Variants in SPATA6L observed in about 807,000 individuals in gnomAD.
SPATA6L encodes the protein spermatogenesis associated 6-like protein.
Under a neutral mutation model 49.2 loss-of-function variants are expected in SPATA6L, and 68 were observed. That is an observed-to-expected ratio of 1.38 (90% CI 1.14 to 1.69). SPATA6L has a LOEUF of 1.69. SPATA6L is among the 40% of genes most tolerant of loss of function. SPATA6L has a pLI of 0.00. For missense variants in SPATA6L, 668 were observed against 464.3 expected (o/e 1.44, Z -4.03); for synonymous variants, 198 against 165.7 (o/e 1.19, Z -1.50).
chr9:4,662,234 C>T lies in SPATA6L; in HGVS notation c.40-198G>A, dbSNP rs1388062409. 1 of 1,434,204 alleles carries T rather than the reference C, an allele frequency of 7.0e-7. No homozygotes were observed. The highest frequency in any genetic ancestry group is 2.5e-5 in the East Asian group (1 of 39,828). The allele number at this position is 1,434,204 out of a possible 1,614,324, so 88.8% of individuals were successfully genotyped here. ...TGGAAATTCCAACTCCCTCCCACGT[C>T]TCCACCAGGTGTCACAATCGCGCTC... is the stretch of plus-strand genomic sequence containing the variant. On this transcript the variant is annotated intron_variant, in intron 1 of 11. Transcript: ENST00000682582. This position sits in a 1 kb window ranked among gnomAD's most constrained non-coding sequence, Gnocchi z 4.9.
At chr9:4,652,179 C>CA (rs1238412350) in intron 3 of SPATA6L, among the ~76,000 whole-genome samples, 3 of 151,968 alleles carry the variant, frequency 2.0e-5, no homozygotes, top group African/African-American at 2.4e-5. Context: ...CCAGCACTTT[C>CA]GGAGGCCAAG....
intron 3 of SPATA6L, among the ~76,000 whole-genome samples, chr9:4,655,656 C>G (rs1442431931): frequency 2.0e-5 from 3 of 151,822 alleles, no homozygotes; most frequent in African/African-American, 7.3e-5. Context: ...TTAAGCGATT[C>G]TCCTGCCTCA....
intron 9 of SPATA6L, among the ~76,000 whole-genome samples, chr9:4,606,204 C>G (rs540846303): frequency 1.5e-3 from 229 of 150,286 alleles, no homozygotes; most frequent in Non-Finnish European, 2.0e-3. Context: ...AACTGCAAGG[C>G]GGCAGCGAGG....
intron 1 of SPATA6L, chr9:4,663,150 A>G (rs748309678): frequency 3.1e-6 from 5 of 1,613,800 alleles, no homozygotes; most frequent in Non-Finnish European, 4.2e-6. Context: ...GCACAATGTC[A>G]CCGACGTAGC....
intron 6 of SPATA6L, among the ~76,000 whole-genome samples, chr9:4,623,076 T>G (rs56659191): frequency 0.13 from 20,204 of 151,932 alleles, 2,917 homozygotes; most frequent in African/African-American, 0.36. Flanking sequence ...GGTCGGGAGT[T>G]CAAGACCAGC....
chr9:4,627,665 T>C (rs1830596651), intron 5 of SPATA6L: 1 of 1,126,402 alleles, frequency 8.9e-7, no homozygotes, highest in African/African-American at 1.6e-5. Flanking sequence ...CAGAAAGAAA[T>C]TGGGGTGAGG....
chr9:4,590,238 G>A (rs1323206940), intron 13 of SPATA6L, among the ~76,000 whole-genome samples: 1 of 152,052 alleles, frequency 6.6e-6, no homozygotes, highest in Admixed American at 6.6e-5. Context: ...ACAAAATATT[G>A]ACCTGTATAT....
downstream of SPATA6L, among the ~76,000 whole-genome samples, chr9:4,594,474 A>C (rs1586895919): frequency 6.6e-6 from 1 of 152,338 alleles, no homozygotes; most frequent in East Asian, 1.9e-4. Flanking sequence ...AGCCTCCCAA[A>C]GTGCTGGGAT....
intron 5 of SPATA6L, 34 bp from the exon 6 acceptor site, chr9:4,625,600 T>C (rs376310010): frequency 7.1e-7 from 1 of 1,410,536 alleles, no homozygotes; most frequent in Non-Finnish European, 9.4e-7. Flanking sequence ...TTTTTTAAAA[T>C]AAAGAAAGAA....
intron 3 of SPATA6L, among the ~76,000 whole-genome samples, chr9:4,637,850 G>C (rs1465528194): frequency 2.0e-5 from 3 of 152,166 alleles, no homozygotes; most frequent in Non-Finnish European, 2.9e-5. Flanking sequence ...ATAAGCATTA[G>C]CTACCCTCTT....
At position 4,589,950 on chromosome 9, in the gene SPATA6L, G is replaced by A. The variant is rs577494028; in HGVS notation, c.*255-989C>T. Among the ~76,000 whole-genome samples the A allele has an allele frequency of 5.3e-5, 8 of 152,298 alleles. No individual in the cohort carries two copies. In the East Asian group the frequency reaches 1.5e-3, roughly 29 times the overall value. ...ATATATTTATATATTTTGACACGGA[G>A]TCTCACTCTGTCACCGAGGCTGGAG... is the stretch of plus-strand genomic sequence containing the variant. On this transcript the variant is annotated intron_variant and NMD_transcript_variant, in intron 13 of 13. Transcript: ENST00000461761.
chr9:4,591,883 T>C (rs919907014), intron 13 of SPATA6L, among the ~76,000 whole-genome samples: 1 of 152,190 alleles, frequency 6.6e-6, no homozygotes, highest in Admixed American at 6.5e-5. Flanking sequence ...TCATTACCTT[T>C]CCTAGAGATG....
In SPATA6L at chr9:4,635,408, A is replaced by T. The variant is rs1832594085; in HGVS notation, c.227-9T>A. 6.4e-7 allele frequency: 1 copy of T among 1,572,264 alleles called. No homozygotes were observed. Among genetic ancestry groups the T allele is most frequent in the Admixed American group, 2.1e-5 (1 of 47,506 alleles). On this transcript the variant is annotated splice_polypyrimidine_tract_variant and intron_variant, in intron 3 of 11. Transcript: ENST00000682582. ...GGCCAACTCATCCCACACTAGAAAG[A>T]AAATAGAAAAAGCATAAATATCTGT...
chr9:4,665,154 T>C (rs375527417), intron 1 of SPATA6L: 2 of 167,240 alleles, frequency 1.2e-5, no homozygotes, highest in South Asian at 4.1e-4. Flanking sequence ...CCTGATGTTT[T>C]TGAAGCATCC....
At chr9:4,592,034 G>A (rs1428919783) in intron 13 of SPATA6L, among the ~76,000 whole-genome samples, 1 of 152,204 alleles carries the variant, frequency 6.6e-6, no homozygotes. Context: ...GCAACAACAA[G>A]CCAAGCACAG....
chr9:4,642,348 C>T lies in SPATA6L; in HGVS notation c.227-6949G>A, dbSNP rs192866159. On this transcript the variant is annotated intron_variant, in intron 3 of 11. Transcript: ENST00000682582. ...GGAAAAAAACTCAATGCCCTGATTT[C>T]AGCCTGTCACTTTTAGGCTGAAAAA... 5.8e-4 allele frequency among the ~76,000 whole-genome samples: 88 copies of T among 152,298 alleles called. 1 individual carries two copies. In the East Asian group the frequency reaches 0.015, roughly 26 times the overall value.
In SPATA6L at chr9:4,654,922, C is replaced by A. The variant is rs530964255; in HGVS notation, c.226+1119G>T. Among the ~76,000 whole-genome samples, 37 of 152,214 alleles carry A rather than the reference C, an allele frequency of 2.4e-4. No homozygotes were observed. The South Asian group carries it at 3.7e-3, about 15-fold the overall frequency. ...TAGGTCTGTGGGGATGGAGCCCTAG[C>A]CAGGGACCACACCCTTCCTGTACCG... On this transcript the variant is annotated intron_variant, in intron 3 of 11. Transcript: ENST00000682582.
chr9:4,661,492 T>C (rs1839727786), intron 2 of SPATA6L, among the ~76,000 whole-genome samples: 1 of 149,256 alleles, frequency 6.7e-6, no homozygotes, highest in Non-Finnish European at 1.5e-5. Context: ...AGTTACAGGA[T>C]TTAACTAATT....
At chr9:4,604,310 A>T (rs528759783) in intron 10 of SPATA6L, 41 bp from the exon 11 acceptor site, 1 of 1,320,048 alleles carries the variant, frequency 7.6e-7, no homozygotes, top group South Asian at 1.2e-5. Context: ...TACCCATAAC[A>T]TAATAGAGAT....
Sources: allele counts gnomAD v4.1 joint callset (sites outside exome capture counted in the v4.1 genomes callset), GRCh38; gene constraint gnomAD v4.1.1; non-coding constraint Gnocchi (gnomAD v3.1); transcripts MANE v1.5; gene names NCBI Gene and HGNC (gene_info 2026-07-23, HGNC 2026-07-21).